Variants in LRRC4C observed in about 807,000 individuals in gnomAD.
LRRC4C encodes the protein leucine rich repeat containing 4C.
A neutral mutation model predicts 33.6 loss-of-function variants in LRRC4C; 5 were observed. That is an observed-to-expected ratio of 0.15 (90% CI 0.08 to 0.31). LRRC4C has a LOEUF of 0.31. LRRC4C is among the 10% of genes least tolerant of loss of function. LRRC4C has a pLI of 1.00. For missense variants in LRRC4C, 560 were observed against 796.7 expected, an observed-to-expected ratio of 0.70 and a Z score of 3.58; for synonymous variants, 329 against 302.0, an observed-to-expected ratio of 1.09 and a Z score of -0.93.
intron 1 of LRRC4C, among the ~76,000 whole-genome samples, chr11:41,116,831 A>G (rs969988110): frequency 1.3e-5 from 2 of 152,178 alleles, no homozygotes; most frequent in African/African-American, 2.4e-5. Flanking sequence ...TAAGTACAAT[A>G]AAGTTCACTG....
intron 5 of LRRC4C, among the ~76,000 whole-genome samples, chr11:40,161,000 A>T (rs1859107281): frequency 6.6e-6 from 1 of 152,198 alleles, no homozygotes; most frequent in Non-Finnish European, 1.5e-5. Context: ...TATCAGTTAA[A>T]AGTCTTGAAT....
At chr11:41,282,867 T>C (rs1175176121) in intron 1 of LRRC4C, among the ~76,000 whole-genome samples, 1 of 152,150 alleles carries the variant, frequency 6.6e-6, no homozygotes, top group Admixed American at 6.5e-5. Context: ...GTCTTTTCAT[T>C]TTAACTGGGT....
At position 41,357,029 on chromosome 11, in the gene LRRC4C, C is replaced by A. The variant is rs553337175; in HGVS notation, c.-496+102402G>T. On this transcript the variant is annotated intron_variant, in intron 1 of 6. Transcript: ENST00000528697. The stretch of plus-strand genomic sequence containing the variant: ...ATCCTGAATTCAAGTGATTTGTTTA[C>A]CTTGTTTAACCCAGAAATTAAAAAA... Among the ~76,000 whole-genome samples the A allele has an allele frequency of 2.4e-4, 37 of 151,866 alleles. No homozygotes were observed. In the South Asian group the frequency reaches 4.2e-3, roughly 17 times the overall value.
intron 1 of LRRC4C, among the ~76,000 whole-genome samples, chr11:41,352,630 C>A (rs1205702338): frequency 6.6e-6 from 1 of 152,018 alleles, no homozygotes; most frequent in East Asian, 1.9e-4. Context: ...TAAAGTAATT[C>A]TCAAAAAGTT....
intron 1 of LRRC4C, among the ~76,000 whole-genome samples, chr11:41,034,542 T>C (rs1856933129): frequency 1.4e-5 from 2 of 141,904 alleles, no homozygotes; most frequent in Non-Finnish European, 3.0e-5. Context: ...ATATATAATA[T>C]AAATTGGCTA....
At chr11:40,722,291 TCTC>T (rs200731570) in intron 2 of LRRC4C, among the ~76,000 whole-genome samples, 1,617 of 152,290 alleles carry the variant, frequency 0.011, 18 homozygotes, top group Non-Finnish European at 0.018. Flanking sequence ...GCTCCTCTCC[TCTC>T]CTCCCTAGAG....
At chr11:40,579,225 A>T (rs1427681528) in intron 3 of LRRC4C, among the ~76,000 whole-genome samples, 1 of 151,922 alleles carries the variant, frequency 6.6e-6, no homozygotes, top group Non-Finnish European at 1.5e-5. Context: ...GGTTCCAGCT[A>T]CTCAAGAGGC....
intron 3 of LRRC4C, among the ~76,000 whole-genome samples, chr11:40,490,530 A>T (rs1413020672): frequency 6.6e-6 from 1 of 152,134 alleles, no homozygotes; most frequent in Non-Finnish European, 1.5e-5. Context: ...TTAAGGGAAA[A>T]AAAAGACATT....
At chr11:40,910,422 T>C (rs1282366633) in intron 2 of LRRC4C, among the ~76,000 whole-genome samples, 1 of 152,212 alleles carries the variant, frequency 6.6e-6, no homozygotes, top group Non-Finnish European at 1.5e-5. Flanking sequence ...GAAATACAGC[T>C]AACACATATG....
chr11:40,687,813 T>C (rs1263138376), intron 2 of LRRC4C, among the ~76,000 whole-genome samples: 1 of 152,232 alleles, frequency 6.6e-6, no homozygotes, highest in East Asian at 1.9e-4. Flanking sequence ...AGCTTCATAT[T>C]TATTCATTAG....
chr11:40,591,871 T>C (rs1423819643), intron 3 of LRRC4C, among the ~76,000 whole-genome samples: 1 of 152,218 alleles, frequency 6.6e-6, no homozygotes, highest in Non-Finnish European at 1.5e-5. Flanking sequence ...CTAGGGACTT[T>C]GCATAGGCTA....
chr11:40,843,724 T>C (rs1953021319), intron 2 of LRRC4C, among the ~76,000 whole-genome samples: 1 of 152,216 alleles, frequency 6.6e-6, no homozygotes, highest in Non-Finnish European at 1.5e-5. Flanking sequence ...AGCAGTATGC[T>C]CAAAATTTTA....
At chr11:40,590,189 T>C (rs1476958981) in intron 3 of LRRC4C, among the ~76,000 whole-genome samples, 1 of 151,910 alleles carries the variant, frequency 6.6e-6, no homozygotes, top group African/African-American at 2.4e-5. Context: ...TTTTATTCTT[T>C]TTTCTCTAAA....
At chr11:40,475,310 A>C (rs981627326) in intron 3 of LRRC4C, among the ~76,000 whole-genome samples, 1 of 152,168 alleles carries the variant, frequency 6.6e-6, no homozygotes, top group Admixed American at 6.6e-5. Flanking sequence ...AGGGAGATGG[A>C]TGAAGCTGGA....
chr11:40,139,549 G>A (rs533283656), intron 6 of LRRC4C, among the ~76,000 whole-genome samples: 2 of 151,862 alleles, frequency 1.3e-5, no homozygotes, highest in Admixed American at 6.6e-5. Flanking sequence ...TCCTTCAGGC[G>A]AACCCCAAAT....
At chr11:40,941,420 G>C (rs1412636849) in intron 1 of LRRC4C, among the ~76,000 whole-genome samples, 1 of 152,068 alleles carries the variant, frequency 6.6e-6, no homozygotes, top group Non-Finnish European at 1.5e-5. Flanking sequence ...ATTTTGAAGT[G>C]CTCAAAGTGA....
chr11:41,063,399 T>A (rs1937946607), intron 1 of LRRC4C, among the ~76,000 whole-genome samples: 1 of 152,070 alleles, frequency 6.6e-6, no homozygotes, highest in South Asian at 2.1e-4. Flanking sequence ...ATAAAATAAA[T>A]AAGACACATT....
chr11:40,283,612 C>T (rs941206513), intron 4 of LRRC4C, among the ~76,000 whole-genome samples: 1 of 151,676 alleles, frequency 6.6e-6, no homozygotes, highest in Non-Finnish European at 1.5e-5. Flanking sequence ...TATTAGTTCT[C>T]CCCAGATACA....
In LRRC4C at chr11:40,404,308, G is replaced by A. The variant is rs1410523079; in HGVS notation, c.-269-84587C>T. On this transcript the variant is annotated intron_variant, in intron 3 of 6. Transcript: ENST00000528697. ...GCAGGAGGCAACTCAGCTGAGCCCC[G>A]TCCAATTGACCCACACAATAAAGAG... Among the ~76,000 whole-genome samples the A allele has an allele frequency of 3.3e-5, 5 of 152,080 alleles. No homozygotes were observed. The South Asian group carries it at 6.2e-4, about 19-fold the overall frequency.
Sources: gnomAD v4.1 joint callset for allele counts (sites outside exome capture counted in the v4.1 genomes callset) on GRCh38, gnomAD v4.1.1 for gene constraint, MANE v1.5 for transcripts, NCBI Gene and HGNC (gene_info 2026-07-23, HGNC 2026-07-21) for gene names.